Variants in SPATA17 observed in about 807,000 individuals in gnomAD.
SPATA17 encodes the protein spermatogenesis-associated protein 17.
SPATA17 carries 53 observed loss-of-function variants against 62.2 expected under a neutral mutation model. The ratio of observed to expected loss-of-function variants is 0.85; its 90% CI spans 0.68 to 1.07. The LOEUF (loss-of-function observed/expected upper bound fraction) is 1.07, where lower values mean the gene tolerates loss of function less well. Ranked by LOEUF, SPATA17 falls within the 50% of genes least tolerant of loss-of-function variation. SPATA17 has a pLI of 0.00. For missense variants in SPATA17, 466 were observed against 425.5 expected (o/e 1.10, Z -0.84); for synonymous variants, 146 against 146.8 (o/e 0.99, Z 0.04).
intron 3 of SPATA17, among the ~76,000 whole-genome samples, chr1:217,655,178 G>C (rs183935574): frequency 6.6e-6 from 1 of 152,264 alleles, no homozygotes; most frequent in African/African-American, 2.4e-5. Context: ...GTTAGTGTTT[G>C]TTGTGTCTGT....
chr1:217,754,072 CA>C (rs969271806), intron 6 of SPATA17, among the ~76,000 whole-genome samples: 12 of 148,722 alleles, frequency 8.1e-5, no homozygotes, highest in East Asian at 3.9e-4. Context: ...ACCATCTCTA[CA>C]AAAAAAAAAT....
intron 5 of SPATA17, among the ~76,000 whole-genome samples, chr1:217,724,873 A>G (rs897078307): frequency 6.6e-6 from 1 of 152,048 alleles, no homozygotes; most frequent in South Asian, 2.1e-4. Flanking sequence ...AAAAAGCCCT[A>G]TATATGTTAA....
At chr1:217,723,311 C>A (rs931060032) in intron 5 of SPATA17, among the ~76,000 whole-genome samples, 1 of 152,064 alleles carries the variant, frequency 6.6e-6, no homozygotes, top group Non-Finnish European at 1.5e-5. Context: ...TGTGTTGGGT[C>A]CCCTTTGTGA....
At chr1:217,793,536 G>T (rs771674289) in intron 8 of SPATA17, among the ~76,000 whole-genome samples, 1 of 152,114 alleles carries the variant, frequency 6.6e-6, no homozygotes, top group Non-Finnish European at 1.5e-5. Flanking sequence ...TTTTAGTCAG[G>T]ATTGCTTAAC....
At chr1:217,843,735 G>T (rs549164324) in intron 9 of SPATA17, among the ~76,000 whole-genome samples, 2 of 152,120 alleles carry the variant, frequency 1.3e-5, no homozygotes, top group Non-Finnish European at 2.9e-5. Context: ...AAATAAGTGG[G>T]CATGACTACG....
intron 1 of SPATA17, among the ~76,000 whole-genome samples, chr1:217,644,141 T>G (rs1456144464): frequency 6.6e-6 from 1 of 152,362 alleles, no homozygotes; most frequent in Middle Eastern, 3.4e-3. Flanking sequence ...CTATGGTAAC[T>G]TCTACTATAT....
intron 6 of SPATA17, among the ~76,000 whole-genome samples, chr1:217,751,493 A>G (rs1571780738): frequency 6.6e-6 from 1 of 152,322 alleles, no homozygotes; most frequent in East Asian, 1.9e-4. Flanking sequence ...ATTTGTTACT[A>G]TTGGCAGTCT....
intron 6 of SPATA17, among the ~76,000 whole-genome samples, chr1:217,761,380 A>C (rs1286099978): frequency 1.3e-5 from 2 of 152,114 alleles, no homozygotes; most frequent in Non-Finnish European, 2.9e-5. Context: ...GCCTTGCCAC[A>C]CCTTATACAC....
intron 6 of SPATA17, among the ~76,000 whole-genome samples, chr1:217,748,241 T>C (rs1314181336): frequency 6.8e-6 from 1 of 146,102 alleles, no homozygotes; most frequent in African/African-American, 2.5e-5. Flanking sequence ...AGGCGGAGCT[T>C]GCAGTGAGCC....
intron 9 of SPATA17, among the ~76,000 whole-genome samples, chr1:217,839,617 T>C (rs942434982): frequency 6.6e-5 from 10 of 152,056 alleles, no homozygotes; most frequent in Non-Finnish European, 1.2e-4. Context: ...GATCAAGTGG[T>C]AGAAAGCTAA....
At chr1:217,774,855 A>G (rs548270850) in intron 7 of SPATA17, among the ~76,000 whole-genome samples, 1 of 152,278 alleles carries the variant, frequency 6.6e-6, no homozygotes, top group African/African-American at 2.4e-5. Context: ...GCTGAATAAT[A>G]TTCTATTTTA....
intron 5 of SPATA17, among the ~76,000 whole-genome samples, chr1:217,741,230 C>T (rs1672619114): frequency 6.6e-6 from 1 of 151,992 alleles, no homozygotes; most frequent in Non-Finnish European, 1.5e-5. Flanking sequence ...GATTTTTCTC[C>T]ATATTTGATA....
intron 8 of SPATA17, among the ~76,000 whole-genome samples, chr1:217,786,769 T>TTCTTCC (rs1673879299): frequency 9.0e-6 from 1 of 110,766 alleles, no homozygotes; most frequent in South Asian, 3.9e-4. Context: ...CTTCTTCTTC[T>TTCTTCC]TCTTCTTCTT....
chr1:217,648,588 C>T (rs1670240411), intron 1 of SPATA17, among the ~76,000 whole-genome samples: 2 of 152,138 alleles, frequency 1.3e-5, no homozygotes, highest in African/African-American at 2.4e-5. Context: ...ACATTTCTTA[C>T]TTACTCCCTA....
At chr1:217,797,996 G>C (rs1281880476) in intron 8 of SPATA17, among the ~76,000 whole-genome samples, 2 of 152,164 alleles carry the variant, frequency 1.3e-5, no homozygotes, top group African/African-American at 4.8e-5. Flanking sequence ...TCCTTCCAGT[G>C]TTGTTAATGA....
chr1:217,681,247 T>A (rs1038913833), intron 4 of SPATA17, among the ~76,000 whole-genome samples: 37 of 150,842 alleles, frequency 2.5e-4, no homozygotes, highest in African/African-American at 8.0e-4. Context: ...AATAAATAAA[T>A]AAAATAAAAT....
Position 217,690,332 on chromosome 1 carries a change from G to C in SPATA17, c.395+6971G>C, listed in dbSNP as rs114803268. On this transcript the variant is annotated intron_variant, in intron 5 of 10. Transcript: ENST00000366933. ...ATATTTTTAAACTTTACTCTGGATA[G>C]TTTCTTCAGATACAGCTTCTATCTT... Among the ~76,000 whole-genome samples, 842 of 152,098 alleles carry C rather than the reference G, an allele frequency of 5.5e-3. 8 individuals are homozygous for C. Among genetic ancestry groups the C allele is most frequent in the African/African-American group, 0.019 (772 of 41,514 alleles).
At position 217,651,119 on chromosome 1, in the gene SPATA17, A is replaced by G. The variant is rs754293776; in HGVS notation, c.181A>G (p.Ile61Val). The change falls in exon 3 of 11, where the codon ATT (isoleucine) becomes GTT (valine). Residue 61 changes from isoleucine to valine, a missense_variant. Coordinates refer to ENST00000366933, the MANE Select transcript of SPATA17 (RefSeq NM_138796.4). Reference sequence around the variant, plus strand: ...TAGGCATTTAAACAGGATTGTAACAATTATTCAAAAATGGTGGAGAAGTTT... The same window carrying G: ...TAGGCATTTAAACAGGATTGTAACAGTTATTCAAAAATGGTGGAGAAGTTT... ...YIRHLNRIVT[I>V]IQKWWRSFLG... The G allele has an allele frequency of 6.2e-7, 1 of 1,609,208 alleles. No individual in the cohort carries two copies. Among genetic ancestry groups the G allele is most frequent in the Non-Finnish European group, 8.5e-7 (1 of 1,178,596 alleles).
Position 217,774,451 on chromosome 1 carries a change from A to G in SPATA17, c.637A>G (p.Ser213Gly), listed in dbSNP as rs918449314. 6.2e-7 allele frequency: 1 copy of G among 1,614,152 alleles called. No homozygotes were observed. Among genetic ancestry groups the G allele is most frequent in the Non-Finnish European group, 8.5e-7 (1 of 1,180,018 alleles). The part of the protein sequence containing the change: ...RPKVKQKDST[S>G]LTDWLACTSA... ...TAAAGTTAAGCAGAAGGACTCCACC[A>G]GCCTTACTGATTGGCTAGCTTGTAC... Residue 213 changes from serine to glycine, a missense_variant, in exon 7 of 11, where the codon AGC (serine) becomes GGC (glycine). Physicochemically the swap from Ser to Gly is moderately conservative, Grantham distance 56 (BLOSUM62 0). Coordinates refer to ENST00000366933, the MANE Select transcript of SPATA17 (RefSeq NM_138796.4).
Sources: gnomAD v4.1 joint callset for allele counts (sites outside exome capture counted in the v4.1 genomes callset) on GRCh38, gnomAD v4.1.1 for gene constraint, MANE v1.5 for transcripts, NCBI Gene and HGNC (gene_info 2026-07-23, HGNC 2026-07-21) for gene names.